The following CACNA1B variants were observed in gnomAD, a reference collection of about 807,000 sequenced individuals.
CACNA1B encodes the protein voltage-dependent N-type calcium channel subunit alpha-1B.
CACNA1B carries 70 observed loss-of-function variants against 247.2 expected under a neutral mutation model. The ratio of observed to expected loss-of-function variants is 0.28; its 90% CI spans 0.23 to 0.35. The LOEUF (loss-of-function observed/expected upper bound fraction) is 0.35, where lower values mean the gene tolerates loss of function less well. Ranked by LOEUF, CACNA1B falls within the 10% of genes least tolerant of loss-of-function variation. The pLI, the probability that CACNA1B is intolerant of heterozygous loss-of-function variation, is 1.00. For missense variants in CACNA1B, 2,367 were observed against 3,197.4 expected (o/e 0.74, Z 6.26); for synonymous variants, 1,231 against 1,294.4 (o/e 0.95, Z 1.05).
chr9:138,032,597 T>G lies in CACNA1B; in HGVS notation c.3286+7425T>G. 6.8e-6 allele frequency: 3 copies of G among 438,546 alleles called. No homozygotes were observed. In the Admixed American group the frequency reaches 7.7e-5, roughly 11 times the overall value. The allele number at this position is 438,546 out of a possible 1,614,324, so 27.2% of individuals were successfully genotyped here. A position where few individuals can be genotyped will look rare whatever the true frequency, so the allele number is the denominator to read the frequency against. ...CAAATTCTCTTAGTTTTCCTTCATC[T>G]GAGAATGTCTTGATTTTCCCTTCAT... On this transcript the variant is annotated intron_variant, in intron 20 of 46. Coordinates refer to ENST00000371372, the MANE Select transcript of CACNA1B (RefSeq NM_000718.4).
At chr9:137,905,878 TC>T (rs1957293607) in intron 3 of CACNA1B, among the ~76,000 whole-genome samples, 1 of 152,206 alleles carries the variant, frequency 6.6e-6, no homozygotes, top group African/African-American at 2.4e-5. Context: ...CCTGCCCTTG[TC>T]CTAAGACACT....
At chr9:137,921,906 G>A (rs1277831534) in intron 6 of CACNA1B, among the ~76,000 whole-genome samples, 5 of 144,912 alleles carry the variant, frequency 3.5e-5, no homozygotes, top group African/African-American at 5.2e-5. Flanking sequence ...TGGGAGCAGA[G>A]TAAAGCGTTC....
intron 3 of CACNA1B, among the ~76,000 whole-genome samples, chr9:137,907,637 T>G (rs1957313292): frequency 1.3e-5 from 2 of 152,280 alleles, no homozygotes; most frequent in Admixed American, 1.3e-4. Flanking sequence ...ATTTTTCATA[T>G]GAATTTGTAG....
At chr9:137,932,829 GT>G (rs1386123582) in intron 6 of CACNA1B, among the ~76,000 whole-genome samples, 9 of 152,248 alleles carry the variant, frequency 5.9e-5, no homozygotes, top group Non-Finnish European at 1.0e-4. Context: ...AAATGATGCG[GT>G]TTGGGTAACT....
chr9:137,926,160 C>A (rs564415507), intron 6 of CACNA1B, among the ~76,000 whole-genome samples: 2 of 151,534 alleles, frequency 1.3e-5, no homozygotes, highest in East Asian at 1.9e-4. Context: ...AGCTCTGCCC[C>A]CTGGATTCAA....
chr9:137,995,612 A>T (rs1958489540), intron 15 of CACNA1B, among the ~76,000 whole-genome samples: 2 of 152,250 alleles, frequency 1.3e-5, no homozygotes, highest in Non-Finnish European at 2.9e-5. Flanking sequence ...CCTTCTAGAC[A>T]TTGGCTAGGC....
At chr9:137,981,491 T>G (rs77087223) in intron 12 of CACNA1B, among the ~76,000 whole-genome samples, 4,080 of 152,224 alleles carry the variant, frequency 0.027, 80 homozygotes, top group South Asian at 0.072. Context: ...CTACCTTTTT[T>G]TGTGTGTGTG....
chr9:137,912,403 G>A (rs1466329953), intron 3 of CACNA1B, among the ~76,000 whole-genome samples: 1 of 152,222 alleles, frequency 6.6e-6, no homozygotes, highest in African/African-American at 2.4e-5. Context: ...GTTAGAATTG[G>A]CAAGAGGAAG....
At position 137,986,608 on chromosome 9, in the gene CACNA1B, G is replaced by T; in HGVS notation, c.1901+64G>T. 6.3e-7 allele frequency: 1 copy of T among 1,594,780 alleles called. No individual in the cohort carries two copies. The highest frequency in any genetic ancestry group is 8.6e-7 in the Non-Finnish European group (1 of 1,164,770). On this transcript the variant is annotated intron_variant, in intron 14 of 46. Transcript: ENST00000371372. This position sits in a 1 kb window ranked among gnomAD's most constrained non-coding sequence, Gnocchi z 6.0. ...TTGCAGGGAAGCAGAGCTCAGAGCA[G>T]ACGGTGCCGCCCAGGCTGCCTCCAC...
chr9:137,899,261 ATT>A lies in CACNA1B; in HGVS notation c.531-13909_531-13908del, dbSNP rs987707138. Reference sequence around the variant, plus strand: ...TCCACCATGCCAGGCTAATTTTTGTATTTTTTTTTTTAGTAGAGGTGGGGTTT... The same window carrying A: ...TCCACCATGCCAGGCTAATTTTTGTATTTTTTTTTAGTAGAGGTGGGGTTT... On this transcript the variant is annotated intron_variant, in intron 3 of 46. Coordinates refer to ENST00000371372, the MANE Select transcript of CACNA1B (RefSeq NM_000718.4). The surrounding 1 kb of genome is among the most constrained non-coding windows in gnomAD (Gnocchi z 5.0). 7.1e-6 allele frequency among the ~76,000 whole-genome samples: 1 copy of A among 140,376 alleles called. No homozygotes were observed. 92.1% of individuals were successfully genotyped at this position (140,376 alleles called of 152,430 possible). A position where few individuals can be genotyped will look rare whatever the true frequency, so the allele number is the denominator to read the frequency against.
At chr9:137,966,184 G>A (rs1958073254) in intron 10 of CACNA1B, among the ~76,000 whole-genome samples, 1 of 151,040 alleles carries the variant, frequency 6.6e-6, no homozygotes, top group African/African-American at 2.4e-5. Context: ...ATCATTTTAA[G>A]TGTTCTTGTA....
chr9:137,938,691 A>G (rs1334717511), intron 6 of CACNA1B, among the ~76,000 whole-genome samples: 1 of 152,236 alleles, frequency 6.6e-6, no homozygotes, highest in African/African-American at 2.4e-5. Context: ...AAGGCCTTGT[A>G]CAACAGGAAA....
At position 138,047,051 on chromosome 9, in the gene CACNA1B, C is replaced by A; in HGVS notation, c.3543+18C>A. 6.3e-7 allele frequency: 1 copy of A among 1,595,782 alleles called. No individual in the cohort carries two copies. Among genetic ancestry groups the A allele is most frequent in the Non-Finnish European group, 8.6e-7 (1 of 1,168,460 alleles). On this transcript the variant is annotated intron_variant, in intron 22 of 46. Transcript: ENST00000371372. ...GGAACAACGTGAGTGGCCCGGATGGCCGGGTCCCCGCCAGGCTGTGGCGGG... is the reference window on the plus strand; with the variant it reads ...GGAACAACGTGAGTGGCCCGGATGGACGGGTCCCCGCCAGGCTGTGGCGGG...
rs75859212 is a variant in CACNA1B, at chr9:137,943,622, CAA to C, written c.967-8650_967-8649del. On this transcript the variant is annotated intron_variant, in intron 6 of 46. Transcript: ENST00000371372. The stretch of plus-strand genomic sequence containing the variant: ...ACGAATGCGGGAATAAAGATAAAGA[CAA>C]AGAGTATATTTGGAAGAAGGGGTCA... Among the ~76,000 whole-genome samples, 428 of 152,212 alleles carry C rather than the reference CAA, an allele frequency of 2.8e-3. 6 individuals are homozygous for C. The East Asian group carries it at 0.043, about 15-fold the overall frequency.
chr9:138,092,083 A>G (rs1334950600), intron 36 of CACNA1B, among the ~76,000 whole-genome samples: 5 of 152,236 alleles, frequency 3.3e-5, no homozygotes, highest in Non-Finnish European at 7.3e-5. Context: ...GCAGAGAGGC[A>G]GAGCAAGATC....
chr9:137,909,787 T>A (rs573669669), intron 3 of CACNA1B, among the ~76,000 whole-genome samples: 296 of 152,308 alleles, frequency 1.9e-3, no homozygotes, highest in Non-Finnish European at 3.4e-3. Context: ...TTAGTTTTTT[T>A]TGAGATGGAG....
intron 34 of CACNA1B, 104 bp downstream of exon 34, chr9:138,074,170 C>G (rs1960230709): frequency 2.4e-6 from 2 of 839,274 alleles, no homozygotes; most frequent in South Asian, 1.3e-5. Context: ...TCAGTTGATC[C>G]TTAGTGAACA....
chr9:138,037,171 C>G (rs929356508), intron 20 of CACNA1B, among the ~76,000 whole-genome samples: 1 of 152,200 alleles, frequency 6.6e-6, no homozygotes, highest in Admixed American at 6.5e-5. Context: ...TGGTACAGTC[C>G]TCTGTCCTCA....
chr9:137,965,232 G>A (rs1185680140), intron 10 of CACNA1B, among the ~76,000 whole-genome samples: 1 of 152,254 alleles, frequency 6.6e-6, no homozygotes, highest in Non-Finnish European at 1.5e-5. Flanking sequence ...CAGCTGTGCT[G>A]TTTTGGAGAT....
Sources: allele counts gnomAD v4.1 joint callset (sites outside exome capture counted in the v4.1 genomes callset), GRCh38; gene constraint gnomAD v4.1.1; non-coding constraint Gnocchi (gnomAD v3.1); transcripts MANE v1.5; gene names NCBI Gene and HGNC (gene_info 2026-07-23, HGNC 2026-07-21).